Variants in RBM39 observed in about 807,000 individuals in gnomAD.
The protein encoded by RBM39 is RNA-binding protein 39.
In RBM39, 12 loss-of-function variants were observed where a neutral mutation model predicts 79.6. The observed-to-expected ratio is 0.15, with a 90% CI of 0.10 to 0.24. The LOEUF (loss-of-function observed/expected upper bound fraction) is 0.24. Ranked by LOEUF, RBM39 falls within the 10% of genes least tolerant of loss-of-function variation. RBM39 has a pLI of 1.00. For synonymous variants in RBM39, 185 were observed against 208.4 expected, an observed-to-expected ratio of 0.89 and a Z score of 0.97; for missense variants, 243 against 653.4, an observed-to-expected ratio of 0.37 and a Z score of 6.85.
At chr20:35,733,303 CAAAAAA>C (rs60205656) in intron 3 of RBM39, among the ~76,000 whole-genome samples, 1 of 136,288 alleles carries the variant, frequency 7.3e-6, no homozygotes, top group African/African-American at 2.8e-5. Context: ...AACACCATCT[CAAAAAA>C]AAAAAAAAAA....
rs1382197646 is a variant in RBM39, at chr20:35,731,971, C to G, written c.266G>C (p.Arg89Pro). The G allele has an allele frequency of 6.2e-7, 1 of 1,613,984 alleles. No homozygotes were observed. Among genetic ancestry groups the G allele is most frequent in the Non-Finnish European group, 8.5e-7 (1 of 1,180,046 alleles). Reference sequence around the variant, plus strand: ...ACTTCTGTAGCGGCCTCTAAATCTTCGATCTCGACTTCTTGAGCGGCTCCG... The same window carrying G: ...ACTTCTGTAGCGGCCTCTAAATCTTGGATCTCGACTTCTTGAGCGGCTCCG... Reference protein sequence around the residue: ...RRRSRSRSRDRRFRGRYRSPY... With the variant: ...RRRSRSRSRDPRFRGRYRSPY... Residue 89 changes from arginine to proline, a missense_variant, in exon 4 of 17, where the codon CGA becomes CCA. Around this residue, in one of 4 missense-constraint regions of RBM39, gnomAD observed 115 missense variants for 184.1 expected, o/e 0.62. Coordinates refer to ENST00000253363, the MANE Select transcript of RBM39 (RefSeq NM_184234.3).
chr20:35,721,896 G>A lies in RBM39; in HGVS notation c.688-19C>T, dbSNP rs946960356. On this transcript the variant is annotated intron_variant, in intron 8 of 16. Transcript: ENST00000253363. ...TTTCTGCCTAGAAGACAAAATACAC[G>A]TCACACAGAGATAACACACAGCAGT... 17 of 1,609,640 alleles carry A rather than the reference G, an allele frequency of 1.1e-5. No individual in the cohort carries two copies. Among genetic ancestry groups the A allele is most frequent in the African/African-American group, 4.0e-5 (3 of 74,694 alleles).
intron 8 of RBM39, among the ~76,000 whole-genome samples, chr20:35,724,337 CAAAAA>C (rs889701869): frequency 6.9e-6 from 1 of 144,566 alleles, no homozygotes; most frequent in Non-Finnish European, 1.5e-5. Flanking sequence ...AAAAACAAAA[CAAAAA>C]AAAGGCAAAA....
intron 9 of RBM39, among the ~76,000 whole-genome samples, chr20:35,718,395 T>G (rs1277670128): frequency 6.6e-6 from 1 of 151,732 alleles, no homozygotes; most frequent in Non-Finnish European, 1.5e-5. Flanking sequence ...GTAAACAATA[T>G]AAACATTTAG....
At chr20:35,721,645 C>T (rs1350252782) in intron 9 of RBM39, 95 bp downstream of exon 9, 1 of 1,406,500 alleles carries the variant, frequency 7.1e-7, no homozygotes, top group Non-Finnish European at 9.6e-7. Flanking sequence ...TTAATATTAA[C>T]TCACAGAAAG....
intron 6 of RBM39, among the ~76,000 whole-genome samples, chr20:35,728,639 T>C (rs995595231): frequency 2.0e-5 from 3 of 151,970 alleles, no homozygotes; most frequent in Non-Finnish European, 2.9e-5. Context: ...TTGCCGGGCA[T>C]TGTGGCACAT....
Position 35,702,203 on chromosome 20 carries a change from A to T in RBM39, c.*2278T>A, listed in dbSNP as rs1421519168. On this transcript the variant is annotated 3_prime_UTR_variant, in exon 17 of 17. Coordinates refer to ENST00000253363, the MANE Select transcript of RBM39 (RefSeq NM_184234.3). ...TTTCAAAGATGGTAGTAATTATTATAAAGATAAAAGAAAACTAGATGAACA... is the reference window on the plus strand; with the variant it reads ...TTTCAAAGATGGTAGTAATTATTATTAAGATAAAAGAAAACTAGATGAACA... 1 of 152,224 alleles carries T rather than the reference A, an allele frequency of 6.6e-6. No individual in the cohort carries two copies. The highest frequency in any genetic ancestry group is 2.4e-5 in the African/African-American group (1 of 41,454). 9.4% of individuals were successfully genotyped at this position (152,224 alleles called of 1,614,324 possible).
intron 2 of RBM39, chr20:35,739,886 T>A (rs1600668140): frequency 1.1e-5 from 2 of 177,530 alleles, no homozygotes; most frequent in East Asian, 3.1e-4. Flanking sequence ...TTTGATTACA[T>A]CAGCTATAGG....
chr20:35,729,541 AC>A lies in RBM39; in HGVS notation c.297-15del. 6.2e-7 allele frequency: 1 copy of A among 1,611,276 alleles called. No homozygotes were observed. The highest frequency in any genetic ancestry group is 8.5e-7 in the Non-Finnish European group (1 of 1,177,640). Reference sequence around the variant, plus strand: ...TTTGGTCCGGAGCTAAAAAGGAAACACAAAATTACACTAGTTACAGGTTTAG... The same window carrying A: ...TTTGGTCCGGAGCTAAAAAGGAAACAAAAATTACACTAGTTACAGGTTTAG... On this transcript the variant is annotated splice_polypyrimidine_tract_variant and intron_variant, in intron 4 of 16. Coordinates refer to ENST00000253363, the MANE Select transcript of RBM39 (RefSeq NM_184234.3).
Position 35,705,205 on chromosome 20 carries a change from A to T in RBM39, c.1413+20T>A. ...AGAGACGAACAACCTAACATCATTT[A>T]TAAAAAAAGATGAAAATACCTGAGC... On this transcript the variant is annotated intron_variant, in intron 15 of 16. Coordinates refer to ENST00000253363, the MANE Select transcript of RBM39 (RefSeq NM_184234.3). 7.2e-7 allele frequency: 1 copy of T among 1,393,346 alleles called. No individual in the cohort carries two copies. Among genetic ancestry groups the T allele is most frequent in the Non-Finnish European group, 1.0e-6 (1 of 1,003,050 alleles). 86.3% of individuals were successfully genotyped at this position (1,393,346 alleles called of 1,614,324 possible). A position where few individuals can be genotyped will look rare whatever the true frequency, so the allele number is the denominator to read the frequency against.
intron 8 of RBM39, among the ~76,000 whole-genome samples, chr20:35,722,381 T>C (rs1347583116): frequency 6.8e-6 from 1 of 146,972 alleles, no homozygotes; most frequent in African/African-American, 2.6e-5. Flanking sequence ...CACTCCAGCC[T>C]GGGTGACAGA....
rs202244498 is a variant in RBM39 at position 35,725,021 on chromosome 20, A to G, written c.534+17T>C. ...CAATTTCTACCTACTTGACCTCCCTAAACAGGTTAAGATTACCTTTCCTAC... is the reference window on the plus strand; with the variant it reads ...CAATTTCTACCTACTTGACCTCCCTGAACAGGTTAAGATTACCTTTCCTAC... On this transcript the variant is annotated intron_variant, in intron 7 of 16. Transcript: ENST00000253363. 129 of 1,556,374 alleles carry G rather than the reference A, an allele frequency of 8.3e-5. No individual in the cohort carries two copies. In the East Asian group the frequency reaches 2.4e-3, roughly 29 times the overall value.
Position 35,713,012 on chromosome 20 carries a change from T to C in RBM39, c.1174+7A>G. ...CGATTTAAAATTAGAAAAGATTCAA[T>C]TCCTACCTGCCACAGCACCAAATGC... On this transcript the variant is annotated splice_region_variant and intron_variant, in intron 12 of 16. Transcript: ENST00000253363. 6.3e-7 allele frequency: 1 copy of C among 1,594,038 alleles called. No individual in the cohort carries two copies. The highest frequency in any genetic ancestry group is 1.1e-5 in the South Asian group (1 of 87,164).
intron 4 of RBM39, chr20:35,731,264 T>C (rs1047084155): frequency 2.0e-5 from 3 of 152,252 alleles, no homozygotes; most frequent in African/African-American, 7.2e-5. Context: ...CTTAGAATTG[T>C]AGGTGGTTAA....
chr20:35,708,254 T>C (rs1347567619), intron 13 of RBM39, among the ~76,000 whole-genome samples: 2 of 152,022 alleles, frequency 1.3e-5, no homozygotes, highest in Non-Finnish European at 2.9e-5. Flanking sequence ...GAGTGTATTA[T>C]AACTGTGCAA....
At chr20:35,732,421 T>A in intron 3 of RBM39, 4 of 355,484 alleles carry the variant, frequency 1.1e-5, no homozygotes, top group Non-Finnish European at 2.1e-5. Context: ...CCGGGCATAG[T>A]ACCGTGCGCC....
chr20:35,721,722 T>C lies in RBM39; in HGVS notation c.825+18A>G, dbSNP rs2037967593. On this transcript the variant is annotated intron_variant, in intron 9 of 16. Transcript: ENST00000253363. ...GATCAACAACCTACTGAAGATTCAT[T>C]GAAGAACCTGGACTTACTCTTCCAA... 2 of 1,611,594 alleles carry C rather than the reference T, an allele frequency of 1.2e-6. No homozygotes were observed. Among genetic ancestry groups the C allele is most frequent in the South Asian group, 1.1e-5 (1 of 90,986 alleles).
intron 4 of RBM39, 51 bp from the exon 5 acceptor site, chr20:35,729,578 AG>A (rs1270282225): frequency 1.4e-5 from 22 of 1,527,480 alleles, no homozygotes; most frequent in Non-Finnish European, 2.0e-5. Context: ...GGTCTTGCTA[AG>A]ATCGCATTCA....
intron 3 of RBM39, among the ~76,000 whole-genome samples, chr20:35,735,647 C>CA (rs1397506711): frequency 6.6e-6 from 1 of 152,132 alleles, no homozygotes; most frequent in African/African-American, 2.4e-5. Context: ...TTCCTAAATA[C>CA]AAAAATTTTC....
Sources: gnomAD v4.1 joint callset for allele counts (sites outside exome capture counted in the v4.1 genomes callset) on GRCh38, gnomAD v4.1.1 for gene constraint, gnomAD v4.1.1 regional missense constraint, MANE v1.5 for transcripts, NCBI Gene and HGNC (gene_info 2026-07-23, HGNC 2026-07-21) for gene names.